OIT3: variants seen among roughly 807,000 people sequenced by gnomAD.
The protein encoded by OIT3 is oncoprotein induced transcript 3.
Under a neutral mutation model 52.2 loss-of-function variants are expected in OIT3, and 41 were observed. The observed-to-expected ratio is 0.79, with a 90% CI of 0.61 to 1.02. The LOEUF (loss-of-function observed/expected upper bound fraction) is 1.02. OIT3 is among the 50% of genes least tolerant of loss of function. The pLI is 0.00. For synonymous variants in OIT3, 244 were observed against 276.9 expected (o/e 0.88, Z 1.18); for missense variants, 634 against 715.5 (o/e 0.89, Z 1.30).
chr10:72,913,993 G>C (rs544678137), intron 6 of OIT3, among the ~76,000 whole-genome samples: 4 of 152,338 alleles, frequency 2.6e-5, no homozygotes, highest in African/African-American at 7.2e-5. Context: ...GTAAGGAAAG[G>C]ATGAACAGCG....
At chr10:72,911,579 CTT>C in intron 4 of OIT3, 136 bp from the exon 5 acceptor site, 1 of 779,936 alleles carries the variant, frequency 1.3e-6, no homozygotes, top group Non-Finnish European at 2.0e-6. Context: ...TCCTTGAGGT[CTT>C]GCCCGAATGT....
intron 4 of OIT3, among the ~76,000 whole-genome samples, chr10:72,908,206 GCACT>G (rs1845997475): frequency 6.6e-6 from 1 of 151,972 alleles, no homozygotes; most frequent in Non-Finnish European, 1.5e-5. Flanking sequence ...TAGCGCCACT[GCACT>G]CCAGCCTGGT....
rs527240640 is a variant in OIT3 at position 72,918,256 on chromosome 10, T to C, written c.951+4788T>C. 104 of 807,334 alleles carry C rather than the reference T, an allele frequency of 1.3e-4. No individual in the cohort carries two copies. In the African/African-American group the frequency reaches 1.4e-3, roughly 11 times the overall value. The allele number at this position is 807,334 out of a possible 1,614,324, so 50.0% of individuals were successfully genotyped here. On this transcript the variant is annotated intron_variant, in intron 6 of 8. Coordinates refer to ENST00000334011, the MANE Select transcript of OIT3 (RefSeq NM_152635.3). Reference sequence around the variant, plus strand: ...AACTGTAAGATCACTGGGGGTGTTATTTCAAAGCCCCCAAGAGAAACCGTT... The same window carrying C: ...AACTGTAAGATCACTGGGGGTGTTACTTCAAAGCCCCCAAGAGAAACCGTT...
Position 72,932,671 on chromosome 10 carries a change from T to C in OIT3, c.*147T>C. 1 of 684,996 alleles carries C rather than the reference T, an allele frequency of 1.5e-6. No homozygotes were observed. The highest frequency in any genetic ancestry group is 2.0e-5 in the South Asian group (1 of 49,588). 42.4% of individuals were successfully genotyped at this position (684,996 alleles called of 1,614,324 possible). A position where few individuals can be genotyped will look rare whatever the true frequency, so the allele number is the denominator to read the frequency against. ...TCCCAGCACCAACTCACTCTGATTC[T>C]GGTCCATTCAGTGGGCACAGGTCAC... On this transcript the variant is annotated 3_prime_UTR_variant, in exon 9 of 9. Coordinates refer to ENST00000334011, the MANE Select transcript of OIT3 (RefSeq NM_152635.3).
chr10:72,914,212 T>C (rs561235127), intron 6 of OIT3, among the ~76,000 whole-genome samples: 303 of 152,186 alleles, frequency 2.0e-3, no homozygotes, highest in African/African-American at 7.1e-3. Flanking sequence ...TTTAGCCTAC[T>C]GGAAAATGAA....
intron 1 of OIT3, among the ~76,000 whole-genome samples, chr10:72,898,319 A>C (rs1845895583): frequency 6.6e-6 from 1 of 152,138 alleles, no homozygotes. Flanking sequence ...CCATGTATGA[A>C]CAAAATACTC....
chr10:72,907,300 T>C (rs1238674030), intron 4 of OIT3, among the ~76,000 whole-genome samples: 1 of 152,016 alleles, frequency 6.6e-6, no homozygotes, highest in Admixed American at 6.6e-5. Context: ...ATATTTGGTA[T>C]TTCTCAAACT....
At chr10:72,897,839 G>A (rs541629469) in intron 1 of OIT3, among the ~76,000 whole-genome samples, 5 of 152,110 alleles carry the variant, frequency 3.3e-5, no homozygotes, top group South Asian at 2.1e-4. Flanking sequence ...TCTTTCACAC[G>A]CCTGTTCCAG....
intron 7 of OIT3, among the ~76,000 whole-genome samples, chr10:72,926,332 C>T (rs1341119692): frequency 6.6e-6 from 1 of 152,228 alleles, no homozygotes; most frequent in East Asian, 1.9e-4. Context: ...ATAGGATCAA[C>T]TGAGATGCTT....
intron 6 of OIT3, among the ~76,000 whole-genome samples, chr10:72,919,242 C>T (rs997690844): frequency 1.1e-4 from 17 of 152,178 alleles, no homozygotes; most frequent in African/African-American, 3.9e-4. Context: ...TGTGATTTGG[C>T]TCTCGGCTTG....
chr10:72,908,605 A>G lies in OIT3; in HGVS notation c.667+1887A>G, dbSNP rs200514627. On this transcript the variant is annotated intron_variant, in intron 4 of 8. Transcript: ENST00000334011. The stretch of plus-strand genomic sequence containing the variant: ...TTAAACTTTATTGAATAGGCGTAGT[A>G]TCCAGAGTCCTCCTTAAATCTTAAT... 2.6e-5 allele frequency among the ~76,000 whole-genome samples: 4 copies of G among 152,288 alleles called. No individual in the cohort carries two copies. In the East Asian group the frequency reaches 7.7e-4, roughly 29 times the overall value.
chr10:72,917,899 T>C, intron 6 of OIT3: 1 of 1,216,838 alleles, frequency 8.2e-7, no homozygotes, highest in Non-Finnish European at 1.2e-6. Flanking sequence ...CCATTCTGAT[T>C]TGACTTCTGT....
In OIT3 at chr10:72,924,265, A is replaced by G; in HGVS notation, c.988A>G (p.Thr330Ala). The change falls in exon 7 of 9, where the codon ACA becomes GCA. Residue 330 changes from threonine (T) to alanine (A), a missense_variant. Thr to Ala is a moderately conservative substitution (Grantham distance 58, BLOSUM62 0). Coordinates refer to ENST00000334011, the MANE Select transcript of OIT3 (RefSeq NM_152635.3). ...NDKIVASNLV[T>A]GLPKQTPGSS... is the part of the protein sequence containing the mutation. ...CAAGATTGTGGCCAGCAACCTCGTG[A>G]CAGGTCTACCCAAGCAGACCCCGGG... 1 of 1,609,062 alleles carries G rather than the reference A, an allele frequency of 6.2e-7. No homozygotes were observed.
intron 1 of OIT3, among the ~76,000 whole-genome samples, chr10:72,898,250 G>T (rs1845894944): frequency 6.6e-6 from 1 of 152,128 alleles, no homozygotes. Context: ...TTGTACCACT[G>T]CACTCCAGCC....
intron 2 of OIT3, 56 bp from the exon 3 acceptor site, chr10:72,900,321 G>T: frequency 2.2e-4 from 164 of 748,262 alleles, no homozygotes; most frequent in Non-Finnish European, 3.2e-4. Flanking sequence ...TAAAAAGAAT[G>T]AAAGAGTGTC....
intron 6 of OIT3, among the ~76,000 whole-genome samples, chr10:72,923,668 G>C (rs1368618736): frequency 6.6e-6 from 1 of 152,166 alleles, no homozygotes; most frequent in Non-Finnish European, 1.5e-5. Context: ...ACACCTATAG[G>C]AGGTGGCTGG....
At chr10:72,901,385 T>C (rs1589521297) in intron 3 of OIT3, among the ~76,000 whole-genome samples, 3 of 152,298 alleles carry the variant, frequency 2.0e-5, no homozygotes, top group South Asian at 4.1e-4. Flanking sequence ...TATTATGTTG[T>C]CTATAACTAG....
rs1171297709 is a variant in OIT3 at position 72,932,869 on chromosome 10, G to A, written c.*345G>A. The A allele has an allele frequency of 4.9e-6, 1 of 202,714 alleles. No individual in the cohort carries two copies. The highest frequency in any genetic ancestry group is 2.3e-5 in the African/African-American group (1 of 43,364). 12.6% of individuals were successfully genotyped at this position (202,714 alleles called of 1,614,324 possible). A position where few individuals can be genotyped will look rare whatever the true frequency, so the allele number is the denominator to read the frequency against. On this transcript the variant is annotated 3_prime_UTR_variant, in exon 9 of 9. Transcript: ENST00000334011. Reference sequence around the variant, plus strand: ...TCAGAAGCTGGGTATAATATTTCAAGTTACAAACCCTAGAAAAATTAAACA... The same window carrying A: ...TCAGAAGCTGGGTATAATATTTCAAATTACAAACCCTAGAAAAATTAAACA...
chr10:72,924,117 A>C (rs1163940968), intron 6 of OIT3, 112 bp from the exon 7 acceptor site: 1 of 968,580 alleles, frequency 1.0e-6, no homozygotes. Context: ...TAGGCAACCA[A>C]ATCTCTAATG....
Sources: allele counts gnomAD v4.1 joint callset (sites outside exome capture counted in the v4.1 genomes callset), GRCh38; gene constraint gnomAD v4.1.1; transcripts MANE v1.5; gene names NCBI Gene and HGNC (gene_info 2026-07-23, HGNC 2026-07-21).